The following ARHGEF33 variants were observed in gnomAD, a reference collection of about 807,000 sequenced individuals.
ARHGEF33 encodes the protein Rho guanine nucleotide exchange factor 33, also known as DH and coiled-coil domain-containing protein ENSP00000381780.
A neutral mutation model predicts 101.9 loss-of-function variants in ARHGEF33; 72 were observed. The observed-to-expected ratio is 0.71, with a 90% CI of 0.58 to 0.86. The LOEUF (loss-of-function observed/expected upper bound fraction) is 0.86. Ranked by LOEUF, ARHGEF33 falls within the 40% of genes least tolerant of loss-of-function variation. ARHGEF33 has a pLI of 0.00. For synonymous variants in ARHGEF33, 499 were observed against 442.5 expected, an observed-to-expected ratio of 1.13 and a Z score of -1.60; for missense variants, 1,169 against 1,111.3, an observed-to-expected ratio of 1.05 and a Z score of -0.74.
intron 13 of ARHGEF33, 54 bp downstream of exon 13, chr2:38,954,510 G>C (rs1667690912): frequency 1.8e-6 from 2 of 1,085,094 alleles, no homozygotes; most frequent in Non-Finnish European, 2.8e-6. Flanking sequence ...GTAATTATTG[G>C]TTTTGGCTCC....
intron 17 of ARHGEF33, among the ~76,000 whole-genome samples, chr2:38,969,922 G>C (rs1668129132): frequency 6.6e-6 from 1 of 152,196 alleles, no homozygotes; most frequent in African/African-American, 2.4e-5. Flanking sequence ...TTATTGTGAA[G>C]TCTGAGGCAA....
intron 4 of ARHGEF33, among the ~76,000 whole-genome samples, chr2:38,921,751 T>A (rs1179239808): frequency 6.6e-6 from 1 of 152,120 alleles, no homozygotes; most frequent in African/African-American, 2.4e-5. Flanking sequence ...AAAGACAAGT[T>A]ATCTCATTTA....
At chr2:38,928,814 C>A (rs1666930235) in intron 4 of ARHGEF33, 93 bp from the exon 5 acceptor site, 2 of 1,210,744 alleles carry the variant, frequency 1.7e-6, no homozygotes, top group African/African-American at 1.5e-5. Flanking sequence ...TTTCAGGAGG[C>A]TTGTTTCTCA....
intron 9 of ARHGEF33, among the ~76,000 whole-genome samples, chr2:38,938,120 A>G (rs1323343855): frequency 6.6e-6 from 1 of 152,154 alleles, no homozygotes; most frequent in African/African-American, 2.4e-5. Flanking sequence ...AGCGCCAACA[A>G]CTTTAAACTC....
At chr2:38,960,840 C>T (rs1056117832) in intron 16 of ARHGEF33, among the ~76,000 whole-genome samples, 192 bp downstream of exon 16, 1 of 152,146 alleles carries the variant, frequency 6.6e-6, no homozygotes, top group African/African-American at 2.4e-5. Context: ...CTGTAGGCTG[C>T]TGGGCCCTGG....
chr2:38,934,455 C>T (rs1417888495), intron 7 of ARHGEF33, among the ~76,000 whole-genome samples: 1 of 119,798 alleles, frequency 8.3e-6, no homozygotes, highest in Non-Finnish European at 1.8e-5. Context: ...CTATCCCTCC[C>T]TCCCCCTTTT....
At chr2:38,962,853 A>AAAG (rs1667975932) in intron 16 of ARHGEF33, among the ~76,000 whole-genome samples, 1 of 148,130 alleles carries the variant, frequency 6.8e-6, no homozygotes, top group Non-Finnish European at 1.5e-5. Flanking sequence ...TCTCTACAAA[A>AAAG]AAAAAAAAAA....
Position 38,974,678 on chromosome 2 carries a change from A to C in ARHGEF33, c.*835A>C, listed in dbSNP as rs1384217176. 3 of 152,214 alleles carry C rather than the reference A, an allele frequency of 2.0e-5. No individual in the cohort carries two copies. The South Asian group carries it at 6.2e-4, about 32-fold the overall frequency. The allele number at this position is 152,214 out of a possible 1,614,324, so 9.4% of individuals were successfully genotyped here. A position where few individuals can be genotyped will look rare whatever the true frequency, so the allele number is the denominator to read the frequency against. On this transcript the variant is annotated 3_prime_UTR_variant, in exon 18 of 18. Transcript: ENST00000409978. ...CTCACAACCAGATGGACTAGGAAAA[A>C]AGCAGTGATTTAGCCACATCTTGTT...
chr2:38,919,209 T>C (rs1458734528), intron 2 of ARHGEF33, among the ~76,000 whole-genome samples, 154 bp from the exon 3 acceptor site: 1 of 152,264 alleles, frequency 6.6e-6, no homozygotes, highest in Non-Finnish European at 1.5e-5. Context: ...TTTACCTTTA[T>C]GCTAAATGTG....
At chr2:38,965,717 T>G (rs1279225572) in intron 16 of ARHGEF33, among the ~76,000 whole-genome samples, 1 of 152,252 alleles carries the variant, frequency 6.6e-6, no homozygotes, top group Non-Finnish European at 1.5e-5. Context: ...AGTCCACTTT[T>G]TAAACATTAG....
chr2:38,943,150 A>G (rs1017606195), intron 9 of ARHGEF33, among the ~76,000 whole-genome samples: 1 of 152,016 alleles, frequency 6.6e-6, no homozygotes, highest in East Asian at 1.9e-4. Flanking sequence ...CTGGTCTCGA[A>G]CTCCTGACCT....
At chr2:38,914,360 T>C (rs1432273325) in intron 2 of ARHGEF33, among the ~76,000 whole-genome samples, 2 of 152,170 alleles carry the variant, frequency 1.3e-5, no homozygotes, top group African/African-American at 2.4e-5. Flanking sequence ...TGGAATATTA[T>C]GCAGTCATTA....
chr2:38,966,753 T>C (rs540906665), intron 17 of ARHGEF33, among the ~76,000 whole-genome samples: 14 of 152,158 alleles, frequency 9.2e-5, no homozygotes, highest in South Asian at 6.2e-4. Flanking sequence ...TCTAAGTCGT[T>C]GTTGTGTAAA....
chr2:38,939,469 C>T (rs1320631875), intron 9 of ARHGEF33, among the ~76,000 whole-genome samples: 2 of 152,188 alleles, frequency 1.3e-5, no homozygotes, highest in Non-Finnish European at 2.9e-5. Flanking sequence ...CCAGTTGCTT[C>T]ACATACTTTC....
chr2:38,965,870 A>AGTTGGGATT, intron 16 of ARHGEF33, 136 bp from the exon 17 acceptor site: 1 of 997,442 alleles, frequency 1.0e-6, no homozygotes, highest in Non-Finnish European at 1.5e-6. Context: ...GGTTTGCTTT[A>AGTTGGGATT]GTTGGGATTG....
chr2:38,918,764 G>A (rs1401309934), intron 2 of ARHGEF33, among the ~76,000 whole-genome samples: 1 of 152,046 alleles, frequency 6.6e-6, no homozygotes, highest in East Asian at 1.9e-4. Context: ...TCCTGGGGCT[G>A]GGTGTGGTGG....
chr2:38,901,843 CG>C lies in ARHGEF33; in HGVS notation c.-86+5996del, dbSNP rs1192169919. On this transcript the variant is annotated intron_variant, in intron 2 of 17. Transcript: ENST00000409978. ...TTAACAACTAGCATGAGGCCGGGCA[CG>C]GTGGCTCACGCCTGTAATCCCAGCA... 9.2e-5 allele frequency among the ~76,000 whole-genome samples: 14 copies of C among 152,276 alleles called. No individual in the cohort carries two copies. The South Asian group carries it at 2.9e-3, about 32-fold the overall frequency.
chr2:38,915,376 T>TA (rs1666607719), intron 2 of ARHGEF33, among the ~76,000 whole-genome samples: 1 of 144,922 alleles, frequency 6.9e-6, no homozygotes, highest in Non-Finnish European at 1.5e-5. Flanking sequence ...GTAGTTTTTT[T>TA]ATTGACTTTT....
intron 2 of ARHGEF33, among the ~76,000 whole-genome samples, chr2:38,904,892 A>G (rs933923602): frequency 6.6e-6 from 1 of 152,160 alleles, no homozygotes; most frequent in African/African-American, 2.4e-5. Context: ...GGCTGATCCA[A>G]AGAGGCGACA....
Sources: gnomAD v4.1 joint callset for allele counts (sites outside exome capture counted in the v4.1 genomes callset) on GRCh38, gnomAD v4.1.1 for gene constraint, MANE v1.5 for transcripts, NCBI Gene and HGNC (gene_info 2026-07-23, HGNC 2026-07-21) for gene names.